The following NTNG1 variants were observed in gnomAD, a reference collection of about 807,000 sequenced individuals.
NTNG1 encodes netrin G1, also known as netrin-G1.
In NTNG1, 16 loss-of-function variants were observed where a neutral mutation model predicts 54.0. The ratio of observed to expected loss-of-function variants is 0.30; its 90% confidence interval spans 0.20 to 0.45. The LOEUF is 0.45. Among genes scored for constraint, NTNG1 ranks in the 20% least tolerant of loss-of-function variants. The pLI, the probability that NTNG1 is intolerant of heterozygous loss-of-function variation, is 1.00. For missense variants in NTNG1, 530 were observed against 678.7 expected (o/e 0.78, Z 2.43); for synonymous variants, 255 against 263.1 (o/e 0.97, Z 0.30).
At chr1:107,473,372 A>G (rs1054952024) in intron 7 of NTNG1, among the ~76,000 whole-genome samples, 12 of 152,222 alleles carry the variant, frequency 7.9e-5, no homozygotes, top group African/African-American at 2.9e-4. Flanking sequence ...GGAACAAGTG[A>G]CCCCTCAGCT....
chr1:107,183,180 T>G (rs1422661486), intron 2 of NTNG1, among the ~76,000 whole-genome samples: 1 of 152,180 alleles, frequency 6.6e-6, no homozygotes, highest in Non-Finnish European at 1.5e-5. Flanking sequence ...ACCCCCTACC[T>G]TAACTGCTGT....
intron 2 of NTNG1, among the ~76,000 whole-genome samples, chr1:107,162,351 C>A (rs1353555256): frequency 6.6e-6 from 1 of 152,020 alleles, no homozygotes; most frequent in African/African-American, 2.4e-5. Context: ...TATGCTTCCT[C>A]TTATTATGTA....
chr1:107,411,064 G>T (rs367818645), intron 5 of NTNG1, among the ~76,000 whole-genome samples: 2 of 152,224 alleles, frequency 1.3e-5, no homozygotes, highest in African/African-American at 4.8e-5. Flanking sequence ...AACAAAAGAA[G>T]AGAGATGTAC....
chr1:107,414,511 G>C (rs1361999416), intron 5 of NTNG1, among the ~76,000 whole-genome samples: 1 of 152,046 alleles, frequency 6.6e-6, no homozygotes, highest in Non-Finnish European at 1.5e-5. Context: ...CTGAATAATA[G>C]TAATTGATAG....
At chr1:107,174,323 T>C (rs1656476437) in intron 2 of NTNG1, among the ~76,000 whole-genome samples, 1 of 152,162 alleles carries the variant, frequency 6.6e-6, no homozygotes, top group South Asian at 2.1e-4. Flanking sequence ...GCTGAATCCC[T>C]TACTCCTTCC....
intron 2 of NTNG1, among the ~76,000 whole-genome samples, chr1:107,230,589 C>T (rs560718868): frequency 2.0e-5 from 3 of 152,110 alleles, no homozygotes; most frequent in Admixed American, 2.0e-4. Context: ...TTATCTAAAC[C>T]TTGTTTTCTT....
At chr1:107,367,094 GTT>G (rs1491354707) in intron 3 of NTNG1, among the ~76,000 whole-genome samples, 4 of 148,802 alleles carry the variant, frequency 2.7e-5, no homozygotes, top group Non-Finnish European at 6.0e-5. Flanking sequence ...GTGTGTGTGT[GTT>G]TCTCTAGCAC....
At chr1:107,182,803 A>C (rs536808146) in intron 2 of NTNG1, among the ~76,000 whole-genome samples, 164 of 152,244 alleles carry the variant, frequency 1.1e-3, no homozygotes, top group African/African-American at 3.8e-3. Flanking sequence ...ATGAGAGACA[A>C]GGACAGAGGA....
At position 107,480,459 on chromosome 1, in the gene NTNG1, C is replaced by A. The variant is rs971979715; in HGVS notation, c.1391-152C>A. ...ACTACATTTGTTTGGAAATTGGAGT[C>A]ACGGGCTTCGTTTGTGGAGGGGAGG... On this transcript the variant is annotated intron_variant, in intron 7 of 7. Transcript: ENST00000370068. 10 of 589,782 alleles carry A rather than the reference C, an allele frequency of 1.7e-5. No individual in the cohort carries two copies. The African/African-American group carries it at 1.9e-4, about 11-fold the overall frequency. The allele number at this position is 589,782 out of a possible 1,614,324, so 36.5% of individuals were successfully genotyped here.
chr1:107,387,875 T>G (rs1443367098), intron 3 of NTNG1, among the ~76,000 whole-genome samples: 1 of 152,206 alleles, frequency 6.6e-6, no homozygotes, highest in African/African-American at 2.4e-5. Context: ...TTGGCCCTCT[T>G]TTTTCCACTT....
intron 2 of NTNG1, among the ~76,000 whole-genome samples, chr1:107,175,811 A>T (rs950667966): frequency 1.2e-4 from 18 of 152,260 alleles, no homozygotes; most frequent in Admixed American, 8.5e-4. Flanking sequence ...AAAATTCCAG[A>T]TTCATTTAAC....
intron 5 of NTNG1, among the ~76,000 whole-genome samples, chr1:107,425,754 A>G (rs1207523808): frequency 6.6e-6 from 1 of 152,134 alleles, no homozygotes; most frequent in Non-Finnish European, 1.5e-5. Context: ...AGATATCTCC[A>G]TACTGTTTCC....
At chr1:107,439,139 G>C (rs928861098) in intron 7 of NTNG1, among the ~76,000 whole-genome samples, 1 of 152,128 alleles carries the variant, frequency 6.6e-6, no homozygotes, top group African/African-American at 2.4e-5. Flanking sequence ...CATGTTATTT[G>C]TTAGTGAAGC....
At chr1:107,389,119 T>C (rs1672201239) in intron 3 of NTNG1, among the ~76,000 whole-genome samples, 1 of 152,250 alleles carries the variant, frequency 6.6e-6, no homozygotes, top group East Asian at 1.9e-4. Context: ...GAGTAAATTA[T>C]ACCAAAGCAT....
intron 1 of NTNG1, among the ~76,000 whole-genome samples, chr1:107,145,733 T>C (rs947978727): frequency 2.0e-5 from 3 of 152,122 alleles, no homozygotes; most frequent in Non-Finnish European, 4.4e-5. Flanking sequence ...AGAATGTCTG[T>C]TGCACAGTCC....
chr1:107,209,340 T>C (rs1444197391), intron 2 of NTNG1, among the ~76,000 whole-genome samples: 3 of 151,994 alleles, frequency 2.0e-5, no homozygotes, highest in Non-Finnish European at 1.5e-5. Flanking sequence ...GCTGTAGTCA[T>C]GATGAAGATG....
chr1:107,214,455 C>G (rs1392720437), intron 2 of NTNG1, among the ~76,000 whole-genome samples: 2 of 152,104 alleles, frequency 1.3e-5, no homozygotes, highest in African/African-American at 4.8e-5. Context: ...TGTTTCATTC[C>G]TTTTTATGGC....
chr1:107,167,005 G>A (rs752110078), intron 2 of NTNG1, among the ~76,000 whole-genome samples: 4 of 152,154 alleles, frequency 2.6e-5, no homozygotes, highest in South Asian at 4.2e-4. Context: ...GCTCTAGGTC[G>A]TAATCTCTGA....
At chr1:107,149,564 C>A (rs1196536255) in intron 2 of NTNG1, among the ~76,000 whole-genome samples, 1 of 152,034 alleles carries the variant, frequency 6.6e-6, no homozygotes. Flanking sequence ...TTACAGAATT[C>A]ATTGTTCTGA....
Sources: gnomAD v4.1 joint callset for allele counts (sites outside exome capture counted in the v4.1 genomes callset) on GRCh38, gnomAD v4.1.1 for gene constraint, MANE v1.5 for transcripts, NCBI Gene and HGNC (gene_info 2026-07-23, HGNC 2026-07-21) for gene names.